Variants in TAFA1 observed in about 807,000 individuals in gnomAD.
TAFA1 encodes TAFA chemokine like family member 1.
Under a neutral mutation model 18.5 loss-of-function variants are expected in TAFA1, and 4 were observed. The observed-to-expected ratio is 0.22, with a 90% confidence interval of 0.11 to 0.49. The LOEUF is 0.49. TAFA1 is among the 20% of genes least tolerant of loss of function. The pLI, the probability that TAFA1 is intolerant of heterozygous loss-of-function variation, is 0.98. For synonymous variants in TAFA1, 56 were observed against 55.2 expected (o/e 1.01, Z -0.06); for missense variants, 147 against 169.0 (o/e 0.87, Z 0.72).
rs527539421 is a variant in TAFA1, at chr3:68,074,879, C to G, written c.118+68135C>G. Among the ~76,000 whole-genome samples, 2 of 152,280 alleles carry G rather than the reference C, an allele frequency of 1.3e-5. 1 individual carries two copies. The highest frequency in any genetic ancestry group is 4.1e-4 in the South Asian group (2 of 4,822). Reference sequence around the variant, plus strand: ...GTGTTTGCCATTCCAGGATAGTTGTCAACATACAGAATGTTGCATTTCTGA... The same window carrying G: ...GTGTTTGCCATTCCAGGATAGTTGTGAACATACAGAATGTTGCATTTCTGA... On this transcript the variant is annotated intron_variant, in intron 2 of 4. Transcript: ENST00000478136.
At chr3:68,276,059 T>C (rs533778405) in intron 2 of TAFA1, among the ~76,000 whole-genome samples, 1 of 152,048 alleles carries the variant, frequency 6.6e-6, no homozygotes, top group Admixed American at 6.6e-5. Flanking sequence ...ACAATTACAA[T>C]ACCCTGACTG....
intron 3 of TAFA1, among the ~76,000 whole-genome samples, chr3:68,436,064 T>C (rs1449429824): frequency 3.9e-5 from 6 of 152,180 alleles, no homozygotes. Flanking sequence ...AAAGCTGTAG[T>C]GGTTAAGAGC....
At chr3:68,046,650 G>A (rs1053977894) in intron 2 of TAFA1, among the ~76,000 whole-genome samples, 18 of 152,094 alleles carry the variant, frequency 1.2e-4, no homozygotes, top group South Asian at 2.1e-4. Context: ...GGTCATTCAT[G>A]GATTATCTCA....
the TAFA1 span, among the ~76,000 whole-genome samples, chr3:67,995,300 A>G: frequency 1.7e-3 from 260 of 152,014 alleles, no homozygotes; most frequent in African/African-American, 6.2e-3. Flanking sequence ...GCAAATTGGA[A>G]CCACTTAGGG....
intron 2 of TAFA1, among the ~76,000 whole-genome samples, chr3:68,171,756 AG>A (rs1182541250): frequency 6.6e-6 from 1 of 152,238 alleles, no homozygotes; most frequent in African/African-American, 2.4e-5. Context: ...GACACTAAAA[AG>A]AGCCAAATAC....
intron 2 of TAFA1, among the ~76,000 whole-genome samples, chr3:68,405,474 G>A (rs538716569): frequency 7.4e-4 from 111 of 150,592 alleles, no homozygotes; most frequent in African/African-American, 2.4e-3. Flanking sequence ...CGAGACCAGC[G>A]TGGTTTGTAA....
chr3:68,464,689 A>C (rs2071852100), intron 3 of TAFA1, among the ~76,000 whole-genome samples: 1 of 152,168 alleles, frequency 6.6e-6, no homozygotes, highest in African/African-American at 2.4e-5. Flanking sequence ...AAGCAATGGT[A>C]GTGACATTAT....
intron 2 of TAFA1, among the ~76,000 whole-genome samples, chr3:68,288,668 C>T (rs11708892): frequency 1.3e-5 from 2 of 151,940 alleles, no homozygotes; most frequent in Non-Finnish European, 2.9e-5. Flanking sequence ...TATTAATACC[C>T]CTTGTTCTTT....
At chr3:68,246,062 C>A (rs374793228) in intron 2 of TAFA1, among the ~76,000 whole-genome samples, 1 of 152,232 alleles carries the variant, frequency 6.6e-6, no homozygotes, top group African/African-American at 2.4e-5. Flanking sequence ...ACGACGATGT[C>A]CGGTACCATC....
At chr3:68,120,182 T>TTTCC (rs2065375599) in intron 2 of TAFA1, among the ~76,000 whole-genome samples, 2 of 18,270 alleles carry the variant, frequency 1.1e-4, no homozygotes, top group Non-Finnish European at 1.4e-4. Flanking sequence ...TCTTTCTTTC[T>TTTCC]TTCTTTCTTT....
chr3:68,435,891 G>C (rs1402625169), intron 3 of TAFA1, among the ~76,000 whole-genome samples: 1 of 152,154 alleles, frequency 6.6e-6, no homozygotes, highest in Non-Finnish European at 1.5e-5. Flanking sequence ...TTAACGTCCT[G>C]CCAGACTACA....
At chr3:68,267,067 G>C (rs979781611) in intron 2 of TAFA1, among the ~76,000 whole-genome samples, 3 of 152,102 alleles carry the variant, frequency 2.0e-5, no homozygotes, top group African/African-American at 4.8e-5. Flanking sequence ...CCTAGGGAAC[G>C]CATTAACAAG....
chr3:68,028,815 C>A (rs1435600694), intron 2 of TAFA1, among the ~76,000 whole-genome samples: 1 of 151,492 alleles, frequency 6.6e-6, no homozygotes, highest in Non-Finnish European at 1.5e-5. Flanking sequence ...TGCAGTGACA[C>A]AATCATGTCT....
At chr3:68,048,828 G>C (rs191935598) in intron 2 of TAFA1, among the ~76,000 whole-genome samples, 3 of 152,008 alleles carry the variant, frequency 2.0e-5, no homozygotes, top group Non-Finnish European at 2.9e-5. Flanking sequence ...TCTATTGTGC[G>C]TATGTACCAC....
intron 3 of TAFA1, among the ~76,000 whole-genome samples, chr3:68,506,006 T>C (rs961439179): frequency 1.1e-4 from 16 of 152,116 alleles, no homozygotes; most frequent in Admixed American, 3.9e-4. Context: ...GTCATCTACA[T>C]GAGGTTATTT....
At position 68,518,522 on chromosome 3, in the gene TAFA1, G is replaced by A. The variant is rs77132896; in HGVS notation, c.260-20234G>A. ...TATTTATATTTAATTGAACTGCATTGAATTGCATCTGGATGAGGGCAACTG... is the reference window on the plus strand; with the variant it reads ...TATTTATATTTAATTGAACTGCATTAAATTGCATCTGGATGAGGGCAACTG... On this transcript the variant is annotated intron_variant, in intron 3 of 4. Transcript: ENST00000478136. Among the ~76,000 whole-genome samples, 343 of 152,294 alleles carry A rather than the reference G, an allele frequency of 2.3e-3. 4 individuals carry two copies. Among genetic ancestry groups the A allele is most frequent in the African/African-American group, 7.8e-3 (324 of 41,574 alleles).
chr3:68,464,115 G>T (rs979979582), intron 3 of TAFA1, among the ~76,000 whole-genome samples: 9 of 152,128 alleles, frequency 5.9e-5, no homozygotes, highest in Non-Finnish European at 1.2e-4. Flanking sequence ...AAGCAGGGAA[G>T]AATACTTCCA....
At chr3:68,532,967 C>T (rs1385570989) in intron 3 of TAFA1, among the ~76,000 whole-genome samples, 2 of 150,978 alleles carry the variant, frequency 1.3e-5, no homozygotes, top group Non-Finnish European at 2.9e-5. Context: ...ATGATGAGGA[C>T]ACACCTGGGA....
chr3:68,050,833 T>G (rs2064462306), intron 2 of TAFA1, among the ~76,000 whole-genome samples: 1 of 152,120 alleles, frequency 6.6e-6, no homozygotes, highest in Admixed American at 6.6e-5. Flanking sequence ...CCAAAGACAA[T>G]AAGTAAATGA....
Sources: allele counts gnomAD v4.1 joint callset (sites outside exome capture counted in the v4.1 genomes callset), GRCh38; gene constraint gnomAD v4.1.1; transcripts MANE v1.5; gene names NCBI Gene and HGNC (gene_info 2026-07-23, HGNC 2026-07-21).